Variants in KIRREL3 observed in about 807,000 individuals in gnomAD.
KIRREL3 encodes kin of IRRE-like protein 3.
In KIRREL3, 36 loss-of-function variants were observed where a neutral mutation model predicts 89.7. That is an observed-to-expected ratio of 0.40 (90% confidence interval 0.31 to 0.53). The LOEUF is 0.53. KIRREL3 is among the 20% of genes least tolerant of loss of function. The pLI is 0.49. For missense variants in KIRREL3, 864 were observed against 1,056.6 expected (o/e 0.82, Z 2.53); for synonymous variants, 445 against 441.4 (o/e 1.01, Z -0.10).
chr11:126,431,629 G>T lies in KIRREL3; in HGVS notation c.1589-103C>A. The T allele has an allele frequency of 1.7e-6, 2 of 1,179,874 alleles. No individual in the cohort carries two copies. The highest frequency in any genetic ancestry group is 2.4e-6 in the Non-Finnish European group (2 of 833,266). The allele number at this position is 1,179,874 out of a possible 1,614,324, so 73.1% of individuals were successfully genotyped here. A position where few individuals can be genotyped will look rare whatever the true frequency, so the allele number is the denominator to read the frequency against. Reference sequence around the variant, plus strand: ...GCGGGGGCAGCCCCTGCCACATGGGGCCCTCCTGGGAAATGCCTCAGTGGG... The same window carrying T: ...GCGGGGGCAGCCCCTGCCACATGGGTCCCTCCTGGGAAATGCCTCAGTGGG... On this transcript the variant is annotated intron_variant, in intron 13 of 16. Transcript: ENST00000525144. This position sits in a 1 kb window ranked among gnomAD's most constrained non-coding sequence, Gnocchi z 7.1.
intron 1 of KIRREL3, among the ~76,000 whole-genome samples, chr11:126,712,235 G>A (rs1174997726): frequency 4.0e-5 from 6 of 151,474 alleles, no homozygotes; most frequent in East Asian, 2.0e-4. Flanking sequence ...TGCCGGGCCC[G>A]AAGGAAATGT....
intron 1 of KIRREL3, among the ~76,000 whole-genome samples, chr11:126,630,976 G>A (rs776883294): frequency 6.6e-6 from 1 of 152,106 alleles, no homozygotes. Context: ...TCCTTGACAC[G>A]TCCTGCCTAA....
At chr11:126,863,627 T>G (rs370406058) in intron 1 of KIRREL3, among the ~76,000 whole-genome samples, 29 of 28,508 alleles carry the variant, frequency 1.0e-3, no homozygotes, top group African/African-American at 2.5e-3. Flanking sequence ...GTGTGTGTGT[T>G]TGAGTGCGTG....
chr11:126,716,810 A>G (rs1228354762), intron 1 of KIRREL3, among the ~76,000 whole-genome samples: 3 of 150,392 alleles, frequency 2.0e-5, no homozygotes, highest in Non-Finnish European at 4.4e-5. Context: ...TTTTCATTTT[A>G]TACTGGACCT....
intron 1 of KIRREL3, among the ~76,000 whole-genome samples, chr11:126,637,795 A>G (rs1944323543): frequency 6.6e-6 from 1 of 152,216 alleles, no homozygotes; most frequent in Non-Finnish European, 1.5e-5. Flanking sequence ...CCATCTATCC[A>G]TCTAGGAAAC....
intron 1 of KIRREL3, among the ~76,000 whole-genome samples, chr11:126,827,241 G>A (rs923232483): frequency 6.6e-5 from 10 of 151,864 alleles, no homozygotes; most frequent in African/African-American, 2.2e-4. Context: ...GCAGTGGCAC[G>A]ATCTTGGTTC....
At chr11:126,603,891 C>T (rs1394924993) in intron 1 of KIRREL3, among the ~76,000 whole-genome samples, 4 of 152,098 alleles carry the variant, frequency 2.6e-5, no homozygotes, top group Admixed American at 2.6e-4. Flanking sequence ...CCCCAAATAG[C>T]CCCCCCTCCT....
chr11:126,486,886 T>G lies in KIRREL3; in HGVS notation c.434-13420A>C, dbSNP rs1459162541. Among the ~76,000 whole-genome samples, 1 of 152,130 alleles carries G rather than the reference T, an allele frequency of 6.6e-6. No homozygotes were observed. Among genetic ancestry groups the G allele is most frequent in the African/African-American group, 2.4e-5 (1 of 41,428 alleles). The stretch of plus-strand genomic sequence containing the variant: ...CCCAGCAAAGGGCCAGGCAGGGACT[T>G]GGAGTGTCCCCGCTGGTCCCATAAA... On this transcript the variant is annotated intron_variant, in intron 4 of 16. Coordinates refer to ENST00000525144, the MANE Select transcript of KIRREL3 (RefSeq NM_032531.4). The surrounding 1 kb of genome is among the most constrained non-coding windows in gnomAD (Gnocchi z 6.2).
Position 126,996,431 on chromosome 11 carries a change from C to G in KIRREL3, c.55+4024G>C, listed in dbSNP as rs576317075. On this transcript the variant is annotated intron_variant, in intron 1 of 16. Coordinates refer to ENST00000525144, the MANE Select transcript of KIRREL3 (RefSeq NM_032531.4). This position sits in a 1 kb window ranked among gnomAD's most constrained non-coding sequence, Gnocchi z 4.7. Reference sequence around the variant, plus strand: ...GATCCCTCCATTCTTTAGGCCACCTCTGATGTGTTCAGGCTCTCTTCCGAT... The same window carrying G: ...GATCCCTCCATTCTTTAGGCCACCTGTGATGTGTTCAGGCTCTCTTCCGAT... 6.6e-6 allele frequency among the ~76,000 whole-genome samples: 1 copy of G among 152,322 alleles called. No individual in the cohort carries two copies. The highest frequency in any genetic ancestry group is 6.5e-5 in the Admixed American group (1 of 15,304).
Position 126,525,844 on chromosome 11 carries a change from G to C in KIRREL3, c.283+694C>G, listed in dbSNP as rs1428303755. Among the ~76,000 whole-genome samples, 1 of 152,136 alleles carries C rather than the reference G, an allele frequency of 6.6e-6. No homozygotes were observed. The highest frequency in any genetic ancestry group is 2.4e-5 in the African/African-American group (1 of 41,392). On this transcript the variant is annotated intron_variant, in intron 3 of 16. Coordinates refer to ENST00000525144, the MANE Select transcript of KIRREL3 (RefSeq NM_032531.4). This position sits in a 1 kb window ranked among gnomAD's most constrained non-coding sequence, Gnocchi z 5.4. The stretch of plus-strand genomic sequence containing the variant: ...TTTCTCCAGGGAAGAGGATGGATTG[G>C]AAAAGCGTCTGTATGGTCTTATGGG...
intron 7 of KIRREL3, 99 bp from the exon 8 acceptor site, chr11:126,449,256 GT>G: frequency 7.4e-7 from 1 of 1,355,998 alleles, no homozygotes; most frequent in Non-Finnish European, 1.0e-6. Context: ...GGCCTGGGTT[GT>G]GTGGCAAGTG....
At chr11:126,885,026 CAA>C (rs1404835921) in intron 1 of KIRREL3, among the ~76,000 whole-genome samples, 3 of 152,108 alleles carry the variant, frequency 2.0e-5, no homozygotes, top group Non-Finnish European at 4.4e-5. Flanking sequence ...GACTCTTCCA[CAA>C]ATCCAAGTTA....
intron 1 of KIRREL3, among the ~76,000 whole-genome samples, chr11:126,850,246 C>T (rs1343808768): frequency 6.6e-6 from 1 of 152,202 alleles, no homozygotes; most frequent in Non-Finnish European, 1.5e-5. Context: ...ACCACCCTAT[C>T]AGATGGATTT....
At position 126,950,843 on chromosome 11, in the gene KIRREL3, T is replaced by A. The variant is rs1314703610; in HGVS notation, c.55+49612A>T. Among the ~76,000 whole-genome samples, 3 of 152,232 alleles carry A rather than the reference T, an allele frequency of 2.0e-5. No individual in the cohort carries two copies. In the East Asian group the frequency reaches 5.8e-4, roughly 29 times the overall value. ...AGAAAACTGATGAAGAAGATTAGAC[T>A]GAAAGGTCCTTTGAGGGAACAAAGA... On this transcript the variant is annotated intron_variant, in intron 1 of 16. Coordinates refer to ENST00000525144, the MANE Select transcript of KIRREL3 (RefSeq NM_032531.4).
chr11:126,781,704 G>C (rs1318038960), intron 1 of KIRREL3, among the ~76,000 whole-genome samples: 1 of 151,962 alleles, frequency 6.6e-6, no homozygotes, highest in Non-Finnish European at 1.5e-5. Context: ...AACTCCCTTC[G>C]GCCCATGCAT....
At position 126,817,652 on chromosome 11, in the gene KIRREL3, A is replaced by G. The variant is rs190899032; in HGVS notation, c.55+182803T>C. Among the ~76,000 whole-genome samples, 4 of 152,352 alleles carry G rather than the reference A, an allele frequency of 2.6e-5. No homozygotes were observed. The East Asian group carries it at 5.8e-4, about 22-fold the overall frequency. ...TGACACTTGTAAAATGACATGCAGAAGAGCAATGAGACCAATGCCAGATCC... is the reference window on the plus strand; with the variant it reads ...TGACACTTGTAAAATGACATGCAGAGGAGCAATGAGACCAATGCCAGATCC... On this transcript the variant is annotated intron_variant, in intron 1 of 16. Coordinates refer to ENST00000525144, the MANE Select transcript of KIRREL3 (RefSeq NM_032531.4). The surrounding 1 kb of genome is among the most constrained non-coding windows in gnomAD (Gnocchi z 5.7).
At chr11:126,869,296 T>G (rs1160825599) in intron 1 of KIRREL3, among the ~76,000 whole-genome samples, 2 of 151,928 alleles carry the variant, frequency 1.3e-5, no homozygotes, top group Non-Finnish European at 2.9e-5. Flanking sequence ...GGGATGATGC[T>G]GAGGGCTATT....
rs533767460 is a variant in KIRREL3 at position 126,640,257 on chromosome 11, A to G, written c.56-77345T>C. Among the ~76,000 whole-genome samples the G allele has an allele frequency of 6.6e-6, 1 of 152,236 alleles. No homozygotes were observed. The highest frequency in any genetic ancestry group is 1.9e-4 in the East Asian group (1 of 5,172). The stretch of plus-strand genomic sequence containing the variant: ...AACTGACCCACCCTGAGGAATAGCC[A>G]TGGGCAGTGGGTATGTGGGGCTCCT... On this transcript the variant is annotated intron_variant, in intron 1 of 16. Transcript: ENST00000525144. This position sits in a 1 kb window ranked among gnomAD's most constrained non-coding sequence, Gnocchi z 4.9.
chr11:126,856,643 T>G (rs1944525046), intron 1 of KIRREL3, among the ~76,000 whole-genome samples: 1 of 149,454 alleles, frequency 6.7e-6, no homozygotes. Context: ...TGAGACCGAG[T>G]CTCGCTCTGT....
Sources: allele counts gnomAD v4.1 joint callset (sites outside exome capture counted in the v4.1 genomes callset), GRCh38; gene constraint gnomAD v4.1.1; non-coding constraint Gnocchi (gnomAD v3.1); transcripts MANE v1.5; gene names NCBI Gene and HGNC (gene_info 2026-07-23, HGNC 2026-07-21).